The following CRISP1 variants were observed in gnomAD, a reference collection of about 807,000 sequenced individuals.
CRISP1 encodes cysteine-rich secretory protein 1.
In CRISP1, 44 loss-of-function variants were observed where a neutral mutation model predicts 33.1. The observed-to-expected ratio is 1.33, with a 90% CI of 1.05 to 1.71. CRISP1 has a LOEUF of 1.71. CRISP1 is among the 40% of genes most tolerant of loss of function. The pLI, the probability that CRISP1 is intolerant of heterozygous loss-of-function variation, is 0.00. For synonymous variants in CRISP1, 103 were observed against 98.7 expected, an observed-to-expected ratio of 1.04 and a Z score of -0.26; for missense variants, 390 against 301.2, an observed-to-expected ratio of 1.29 and a Z score of -2.18.
chr6:49,858,500 A>G (rs774351405), intron 1 of CRISP1, among the ~76,000 whole-genome samples: 2 of 152,196 alleles, frequency 1.3e-5, no homozygotes, highest in African/African-American at 2.4e-5. Flanking sequence ...GTAGTTTACC[A>G]TTGCTCTCAC....
chr6:49,875,497 C>T (rs572471128), intron 1 of CRISP1, among the ~76,000 whole-genome samples: 7 of 152,206 alleles, frequency 4.6e-5, no homozygotes, highest in Admixed American at 3.9e-4. Flanking sequence ...AGAGTCAATG[C>T]TATTCCCATT....
At chr6:49,845,051 G>A (rs765200693) in intron 5 of CRISP1, among the ~76,000 whole-genome samples, 2 of 152,036 alleles carry the variant, frequency 1.3e-5, no homozygotes, top group African/African-American at 4.8e-5. Flanking sequence ...GTTGGGGAGG[G>A]GCAATGGTAC....
intron 2 of CRISP1, among the ~76,000 whole-genome samples, chr6:49,856,764 C>T (rs555784541): frequency 1.3e-5 from 2 of 152,062 alleles, no homozygotes; most frequent in East Asian, 3.9e-4. Context: ...ATATTATTGG[C>T]TGATCATAAA....
In CRISP1 at chr6:49,834,468, T is replaced by C. The variant is rs1770715257; in HGVS notation, c.*848A>G. The C allele has an allele frequency of 3.9e-5, 6 of 152,306 alleles. No homozygotes were observed. In the South Asian group the frequency reaches 1.2e-3, roughly 32 times the overall value. 9.4% of individuals were successfully genotyped at this position (152,306 alleles called of 1,614,324 possible). A position where few individuals can be genotyped will look rare whatever the true frequency, so the allele number is the denominator to read the frequency against. ...CTCTTCCATTGTGTTGAAATAATCA[T>C]AACCTTTGCAACCCTGTTTACTCAG... On this transcript the variant is annotated 3_prime_UTR_variant, in exon 8 of 8. Transcript: ENST00000335847.
rs1290382258 is a variant in CRISP1, at chr6:49,834,633, A to G, written c.*683T>C. On this transcript the variant is annotated 3_prime_UTR_variant, in exon 8 of 8. Transcript: ENST00000335847. ...TATTATGCTATTTTATATATCTTTTATACTGCCTTTGCAATGAAATGAAAC... is the reference window on the plus strand; with the variant it reads ...TATTATGCTATTTTATATATCTTTTGTACTGCCTTTGCAATGAAATGAAAC... The G allele has an allele frequency of 6.6e-6, 1 of 152,088 alleles. No homozygotes were observed. The highest frequency in any genetic ancestry group is 1.5e-5 in the Non-Finnish European group (1 of 68,002). 9.4% of individuals were successfully genotyped at this position (152,088 alleles called of 1,614,324 possible).
intron 7 of CRISP1, among the ~76,000 whole-genome samples, chr6:49,836,843 T>G (rs1181410160): frequency 6.6e-6 from 1 of 152,150 alleles, no homozygotes; most frequent in Non-Finnish European, 1.5e-5. Context: ...GTATATTTGA[T>G]AGTGTATCTC....
intron 7 of CRISP1, among the ~76,000 whole-genome samples, chr6:49,836,071 C>G (rs1263535452): frequency 6.6e-6 from 1 of 152,116 alleles, no homozygotes; most frequent in Non-Finnish European, 1.5e-5. Flanking sequence ...GGCAATAGCA[C>G]CAAAAAGCTT....
Position 49,840,883 on chromosome 6 carries a change from A to C in CRISP1, c.533+15T>G. ...CTTTAGGGGGATATATATTTTAAAA[A>C]CTAATAATACATACTCATGACAATA... On this transcript the variant is annotated intron_variant, in intron 6 of 7. Coordinates refer to ENST00000335847, the MANE Select transcript of CRISP1 (RefSeq NM_001131.3). The C allele has an allele frequency of 6.3e-7, 1 of 1,595,680 alleles. No homozygotes were observed. Among genetic ancestry groups the C allele is most frequent in the Non-Finnish European group, 8.6e-7 (1 of 1,165,922 alleles).
chr6:49,876,723 T>C (rs1772043639), intron 1 of CRISP1, among the ~76,000 whole-genome samples: 1 of 152,028 alleles, frequency 6.6e-6, no homozygotes, highest in Non-Finnish European at 1.5e-5. Flanking sequence ...AACACGATTA[T>C]GTCCTTTGCA....
intron 6 of CRISP1, among the ~76,000 whole-genome samples, chr6:49,840,665 G>T (rs949325245): frequency 2.0e-5 from 3 of 152,012 alleles, no homozygotes; most frequent in Non-Finnish European, 4.4e-5. Context: ...ACAGTCAAAG[G>T]AATAAAATAA....
chr6:49,848,042 A>G (rs17663956), intron 4 of CRISP1, among the ~76,000 whole-genome samples, 167 bp downstream of exon 4: 14,741 of 152,238 alleles, frequency 0.097, 1,000 homozygotes, highest in Non-Finnish European at 0.15. Flanking sequence ...TTAAAAATTA[A>G]TGAGTTAAAA....
intron 6 of CRISP1, 133 bp downstream of exon 6, chr6:49,840,765 T>A (rs1232543813): frequency 8.1e-6 from 5 of 617,708 alleles, no homozygotes; most frequent in Admixed American, 5.5e-5. Context: ...GAAGGACATC[T>A]GGGTTATTTC....
chr6:49,857,389 T>C lies in CRISP1; in HGVS notation c.12A>G (p.Lys4=). The change falls in exon 2 of 8, where the codon AAA becomes AAG. Residue 4 remains lysine (K), a synonymous_variant. Coordinates refer to ENST00000335847, the MANE Select transcript of CRISP1 (RefSeq NM_001131.3). The part of the protein sequence containing the change: MEI[K]HLLFLVAAAC... ...CAGCAGCAACCAAAAACAAGAGGTG[T>C]TTAATTTCCATCCCTGAAAGAAAAA... The C allele has an allele frequency of 1.2e-6, 2 of 1,612,748 alleles. No individual in the cohort carries two copies. The highest frequency in any genetic ancestry group is 1.7e-6 in the Non-Finnish European group (2 of 1,179,072).
chr6:49,835,157 G>C lies in CRISP1; in HGVS notation c.*159C>G. ...TCCAGCACTAAGAAAGTTTAAAACAGTGTTACTTCAGGATGTATCAGGATG... is the reference window on the plus strand; with the variant it reads ...TCCAGCACTAAGAAAGTTTAAAACACTGTTACTTCAGGATGTATCAGGATG... On this transcript the variant is annotated 3_prime_UTR_variant, in exon 8 of 8. Transcript: ENST00000335847. 1 of 661,360 alleles carries C rather than the reference G, an allele frequency of 1.5e-6. No homozygotes were observed. Among genetic ancestry groups the C allele is most frequent in the Non-Finnish European group, 2.4e-6 (1 of 410,662 alleles). 41.0% of individuals were successfully genotyped at this position (661,360 alleles called of 1,614,324 possible).
upstream of CRISP1, among the ~76,000 whole-genome samples, chr6:49,868,442 A>G (rs1337641518): frequency 6.6e-6 from 1 of 152,182 alleles, no homozygotes. Context: ...ATAAAGGCTA[A>G]TGTGTTTACA....
intron 2 of CRISP1, among the ~76,000 whole-genome samples, chr6:49,857,071 C>A (rs1033332458): frequency 6.6e-6 from 1 of 152,156 alleles, no homozygotes; most frequent in Non-Finnish European, 1.5e-5. Context: ...ACCCACAGAG[C>A]TAACTGATTA....
chr6:49,842,061 A>C (rs550951511), intron 5 of CRISP1, among the ~76,000 whole-genome samples: 4 of 151,984 alleles, frequency 2.6e-5, no homozygotes, highest in Non-Finnish European at 4.4e-5. Flanking sequence ...TGTTTGTATG[A>C]CTCTTTTAGA....
intron 4 of CRISP1, among the ~76,000 whole-genome samples, chr6:49,847,213 T>C (rs1771205237): frequency 6.6e-6 from 1 of 152,180 alleles, no homozygotes; most frequent in African/African-American, 2.4e-5. Flanking sequence ...GAATCAGCAT[T>C]TTTAAAACAT....
chr6:49,864,689 G>A (rs1313615342), intron 1 of CRISP1, among the ~76,000 whole-genome samples: 1 of 151,946 alleles, frequency 6.6e-6, no homozygotes, highest in African/African-American at 2.4e-5. Flanking sequence ...GTGCTTATCA[G>A]CCACTTTGAT....
Sources: gnomAD v4.1 joint callset for allele counts (sites outside exome capture counted in the v4.1 genomes callset) on GRCh38, gnomAD v4.1.1 for gene constraint, MANE v1.5 for transcripts, NCBI Gene and HGNC (gene_info 2026-07-23, HGNC 2026-07-21) for gene names.